The following STARD13 variants were observed in gnomAD, a reference collection of about 807,000 sequenced individuals.
STARD13 encodes stAR-related lipid transfer protein 13.
STARD13 carries 62 observed loss-of-function variants against 106.4 expected under a neutral mutation model. That is an observed-to-expected ratio of 0.58 (90% confidence interval 0.48 to 0.72). The LOEUF (loss-of-function observed/expected upper bound fraction) is 0.72. Among genes scored for constraint, STARD13 ranks in the 30% least tolerant of loss-of-function variants. The pLI is 0.00. For missense variants in STARD13, 1,387 were observed against 1,424.0 expected, an observed-to-expected ratio of 0.97 and a Z score of 0.42; for synonymous variants, 565 against 553.0, an observed-to-expected ratio of 1.02 and a Z score of -0.31.
the STARD13 span, among the ~76,000 whole-genome samples, chr13:33,633,495 C>T: frequency 2.0e-5 from 3 of 152,144 alleles, no homozygotes; most frequent in African/African-American, 7.2e-5. Flanking sequence ...TGGAAGAAAA[C>T]GCACATTTGC....
At chr13:33,669,919 A>G in the STARD13 span, among the ~76,000 whole-genome samples, 40 of 152,238 alleles carry the variant, frequency 2.6e-4, no homozygotes, top group African/African-American at 9.4e-4. Flanking sequence ...AAATCTAATC[A>G]TTATTCTTTA....
the STARD13 span, among the ~76,000 whole-genome samples, chr13:33,378,752 T>C: frequency 1.4e-5 from 2 of 147,610 alleles, no homozygotes; most frequent in African/African-American, 5.1e-5. Flanking sequence ...ATGGCACCAC[T>C]GCACTCTAGC....
the STARD13 span, among the ~76,000 whole-genome samples, chr13:33,552,418 A>G: frequency 6.6e-6 from 1 of 152,236 alleles, no homozygotes; most frequent in African/African-American, 2.4e-5. Context: ...TTTAAAAGGA[A>G]TAAAATCACA....
At chr13:33,189,687 G>A (rs747840409) in intron 1 of STARD13, among the ~76,000 whole-genome samples, 11 of 151,560 alleles carry the variant, frequency 7.3e-5, no homozygotes, top group Admixed American at 4.6e-4. Flanking sequence ...CAGCTATTTC[G>A]CTAATCAGAA....
the STARD13 span, among the ~76,000 whole-genome samples, chr13:33,600,346 C>CA: frequency 6.6e-6 from 1 of 152,116 alleles, no homozygotes; most frequent in Non-Finnish European, 1.5e-5. Flanking sequence ...TTAAGACAAT[C>CA]AAAAAATTTA....
At chr13:33,199,523 G>A (rs1886865849) in intron 1 of STARD13, among the ~76,000 whole-genome samples, 1 of 152,166 alleles carries the variant, frequency 6.6e-6, no homozygotes, top group African/African-American at 2.4e-5. Context: ...TATAGTTTAA[G>A]CCAACATGAA....
At chr13:33,670,434 C>G in the STARD13 span, among the ~76,000 whole-genome samples, 1 of 152,176 alleles carries the variant, frequency 6.6e-6, no homozygotes, top group African/African-American at 2.4e-5. Flanking sequence ...AATTTACTAT[C>G]AACTAAAATC....
At chr13:33,544,132 AAAATT>A in the STARD13 span, among the ~76,000 whole-genome samples, 9 of 152,212 alleles carry the variant, frequency 5.9e-5, no homozygotes, top group Admixed American at 5.9e-4. Flanking sequence ...AGAAATGACT[AAAATT>A]AAGGACAAAA....
At chr13:33,488,012 G>A in the STARD13 span, among the ~76,000 whole-genome samples, 1 of 152,148 alleles carries the variant, frequency 6.6e-6, no homozygotes, top group Non-Finnish European at 1.5e-5. Context: ...TTCCCTTGGT[G>A]ATACCATTCT....
At chr13:33,296,288 G>A (rs190999587) in intron 1 of STARD13, among the ~76,000 whole-genome samples, 10 of 151,748 alleles carry the variant, frequency 6.6e-5, no homozygotes, top group African/African-American at 7.2e-5. Flanking sequence ...ATGGTGATGC[G>A]TGTGTTAATT....
chr13:33,673,859 CT>C, the STARD13 span, among the ~76,000 whole-genome samples: 9,841 of 145,648 alleles, frequency 0.068, 407 homozygotes, highest in Middle Eastern at 0.14. Flanking sequence ...CTCTTTTACT[CT>C]TTTTTTTTTT....
At chr13:33,647,642 T>A in the STARD13 span, among the ~76,000 whole-genome samples, 1 of 152,292 alleles carries the variant, frequency 6.6e-6, no homozygotes, top group East Asian at 1.9e-4. Flanking sequence ...GAGCAAAGAG[T>A]TTGACATATC....
chr13:33,552,615 T>A, the STARD13 span, among the ~76,000 whole-genome samples: 1 of 152,132 alleles, frequency 6.6e-6, no homozygotes, highest in Non-Finnish European at 1.5e-5. Flanking sequence ...CTCAAAGCTG[T>A]TAAGAAATGA....
chr13:33,440,081 A>T, the STARD13 span, among the ~76,000 whole-genome samples: 1 of 152,162 alleles, frequency 6.6e-6, no homozygotes, highest in African/African-American at 2.4e-5. Context: ...GTTCGAAATC[A>T]GACTGGGCAA....
At chr13:33,552,324 G>A in the STARD13 span, among the ~76,000 whole-genome samples, 1 of 152,042 alleles carries the variant, frequency 6.6e-6, no homozygotes, top group Non-Finnish European at 1.5e-5. Flanking sequence ...CCAAACAAAA[G>A]CAGAATAGAC....
At chr13:33,327,383 A>AT (rs1302557889) in intron 1 of STARD13, among the ~76,000 whole-genome samples, 3 of 151,962 alleles carry the variant, frequency 2.0e-5, no homozygotes, top group Non-Finnish European at 4.4e-5. Context: ...TTTTTTTAAA[A>AT]TTTTTAGAGA....
chr13:33,421,865 T>C, the STARD13 span, among the ~76,000 whole-genome samples: 8 of 152,216 alleles, frequency 5.3e-5, no homozygotes, highest in Non-Finnish European at 1.2e-4. Flanking sequence ...TCTCAATAGA[T>C]GCAGAAAAGG....
chr13:33,528,521 T>C, the STARD13 span, among the ~76,000 whole-genome samples: 1 of 151,542 alleles, frequency 6.6e-6, no homozygotes, highest in African/African-American at 2.4e-5. Flanking sequence ...GGATCTCTTG[T>C]CTCAACCTCC....
At chr13:33,320,581 T>C (rs1893521515) in intron 1 of STARD13, among the ~76,000 whole-genome samples, 1 of 152,244 alleles carries the variant, frequency 6.6e-6, no homozygotes, top group Non-Finnish European at 1.5e-5. Flanking sequence ...GATGATTTTT[T>C]CAGAACCTGC....
Sources: allele counts gnomAD v4.1 joint callset (sites outside exome capture counted in the v4.1 genomes callset), GRCh38; gene constraint gnomAD v4.1.1; transcripts MANE v1.5; gene names NCBI Gene and HGNC (gene_info 2026-07-23, HGNC 2026-07-21).